Variants in ITPK1 observed in about 807,000 individuals in gnomAD.
The protein encoded by ITPK1 is inositol-tetrakisphosphate 1-kinase.
ITPK1 carries 21 observed loss-of-function variants against 45.3 expected under a neutral mutation model. That is an observed-to-expected ratio of 0.46 (90% CI 0.33 to 0.67). The LOEUF is 0.67. ITPK1 is among the 30% of genes least tolerant of loss of function. The pLI is 0.02. For synonymous variants in ITPK1, 258 were observed against 253.6 expected, an observed-to-expected ratio of 1.02 and a Z score of -0.16; for missense variants, 474 against 573.5, an observed-to-expected ratio of 0.83 and a Z score of 1.77.
At chr14:93,066,306 ATGTG>A (rs530096242) in intron 3 of ITPK1, 31 of 436,058 alleles carry the variant, frequency 7.1e-5, no homozygotes, top group Non-Finnish European at 1.1e-4. Context: ...GTGCGCGTGC[ATGTG>A]TGTGTGTGTA....
chr14:92,946,538 C>T (rs752466622), intron 9 of ITPK1, 45 bp from the exon 10 acceptor site: 40 of 1,582,874 alleles, frequency 2.5e-5, no homozygotes, highest in Non-Finnish European at 3.0e-5. Context: ...CGAGGAGCTG[C>T]GAAGCCACAC....
Position 93,076,735 on chromosome 14 carries a change from G to T in ITPK1, c.96-116C>A. On this transcript the variant is annotated intron_variant, in intron 2 of 10. Coordinates refer to ENST00000267615, the MANE Select transcript of ITPK1 (RefSeq NM_014216.6). The surrounding 1 kb of genome is among the most constrained non-coding windows in gnomAD (Gnocchi z 4.3). Reference sequence around the variant, plus strand: ...CATGAGAGGGTTTCAGGAGGGAGCCGGCAGCTGCGCCTCTCCTGCTACTGT... The same window carrying T: ...CATGAGAGGGTTTCAGGAGGGAGCCTGCAGCTGCGCCTCTCCTGCTACTGT... 1 of 1,218,592 alleles carries T rather than the reference G, an allele frequency of 8.2e-7. No individual in the cohort carries two copies. Among genetic ancestry groups the T allele is most frequent in the Non-Finnish European group, 1.2e-6 (1 of 829,856 alleles). 75.5% of individuals were successfully genotyped at this position (1,218,592 alleles called of 1,614,324 possible). A position where few individuals can be genotyped will look rare whatever the true frequency, so the allele number is the denominator to read the frequency against.
At chr14:93,000,039 G>A (rs1566725903) in intron 4 of ITPK1, among the ~76,000 whole-genome samples, 1 of 152,138 alleles carries the variant, frequency 6.6e-6, no homozygotes, top group Admixed American at 6.5e-5. Context: ...TGCTCACATC[G>A]TGTTTTAAAA....
At position 92,940,572 on chromosome 14, in the gene ITPK1, G is replaced by A. The variant is rs1423173279; in HGVS notation, c.*989C>T. ...AAAAGGAGTGAACCCACTGGGAAGAGGGCCCCGATCTCCATGGTGTCATGC... is the reference window on the plus strand; with the variant it reads ...AAAAGGAGTGAACCCACTGGGAAGAAGGCCCCGATCTCCATGGTGTCATGC... On this transcript the variant is annotated 3_prime_UTR_variant, in exon 11 of 11. Coordinates refer to ENST00000267615, the MANE Select transcript of ITPK1 (RefSeq NM_014216.6). 6 of 1,182,930 alleles carry A rather than the reference G, an allele frequency of 5.1e-6. No individual in the cohort carries two copies. The highest frequency in any genetic ancestry group is 3.7e-5 in the Admixed American group (1 of 27,268). 73.3% of individuals were successfully genotyped at this position (1,182,930 alleles called of 1,614,324 possible). A position where few individuals can be genotyped will look rare whatever the true frequency, so the allele number is the denominator to read the frequency against.
At chr14:93,079,686 G>A (rs539108837) in intron 2 of ITPK1, among the ~76,000 whole-genome samples, 16 of 152,204 alleles carry the variant, frequency 1.1e-4, no homozygotes, top group Non-Finnish European at 2.2e-4. Context: ...ATTTTTCACT[G>A]GGAAACTCGT....
chr14:92,973,515 A>G (rs181855105), intron 5 of ITPK1, among the ~76,000 whole-genome samples: 165 of 152,352 alleles, frequency 1.1e-3, no homozygotes, highest in African/African-American at 3.8e-3. Flanking sequence ...GGACTCATTC[A>G]GGCCCTGGAC....
At chr14:93,073,356 G>A (rs1474902912) in intron 3 of ITPK1, among the ~76,000 whole-genome samples, 1 of 152,170 alleles carries the variant, frequency 6.6e-6, no homozygotes, top group African/African-American at 2.4e-5. Context: ...GGGCTCCCGA[G>A]CTCCTCAGCC....
chr14:93,093,507 C>G (rs374628673), intron 2 of ITPK1, among the ~76,000 whole-genome samples: 9 of 152,214 alleles, frequency 5.9e-5, no homozygotes, highest in East Asian at 3.9e-4. Context: ...TTTCTTCCCC[C>G]CTCAGCCCTG....
At chr14:92,963,090 C>T (rs991074374) in intron 5 of ITPK1, among the ~76,000 whole-genome samples, 2 of 152,150 alleles carry the variant, frequency 1.3e-5, no homozygotes, top group African/African-American at 2.4e-5. Flanking sequence ...GTGTAAAATC[C>T]GAAGAGTACA....
chr14:93,074,628 G>A (rs1005232041), intron 3 of ITPK1, among the ~76,000 whole-genome samples: 2 of 152,208 alleles, frequency 1.3e-5, no homozygotes, highest in African/African-American at 4.8e-5. Context: ...CCAAGTGGCT[G>A]GGCGGAACCA....
Position 92,952,967 on chromosome 14 carries a change from T to G in ITPK1, c.671-954A>C, listed in dbSNP as rs1888030266. Among the ~76,000 whole-genome samples the G allele has an allele frequency of 2.6e-5, 4 of 152,232 alleles. No homozygotes were observed. The South Asian group carries it at 8.3e-4, about 31-fold the overall frequency. On this transcript the variant is annotated intron_variant, in intron 8 of 10. Coordinates refer to ENST00000267615, the MANE Select transcript of ITPK1 (RefSeq NM_014216.6). ...CCCCAAGGCTGGCACGGGACCGTCC[T>G]GGGCCGCCAGCCCCAGCAGCCCCTC...
intron 5 of ITPK1, among the ~76,000 whole-genome samples, chr14:92,977,097 C>T (rs1885980845): frequency 6.6e-6 from 1 of 152,226 alleles, no homozygotes; most frequent in South Asian, 2.1e-4. Flanking sequence ...AGCAGTCCTG[C>T]TCATAGGATT....
intron 3 of ITPK1, among the ~76,000 whole-genome samples, chr14:93,066,987 T>A (rs759997444): frequency 6.6e-6 from 1 of 152,184 alleles, no homozygotes; most frequent in East Asian, 1.9e-4. Context: ...ATCCAGTGTT[T>A]GCATCCGAGT....
At chr14:93,109,873 T>C (rs1227743972) in intron 2 of ITPK1, among the ~76,000 whole-genome samples, 1 of 152,036 alleles carries the variant, frequency 6.6e-6, no homozygotes, top group Non-Finnish European at 1.5e-5. Flanking sequence ...CCAAGAACAC[T>C]AAATCTACAA....
Position 93,016,683 on chromosome 14 carries a change from C to T in ITPK1, c.239G>A (p.Arg80Lys). The T allele has an allele frequency of 1.9e-5, 30 of 1,614,060 alleles. No individual in the cohort carries two copies. The highest frequency in any genetic ancestry group is 2.5e-5 in the Non-Finnish European group (30 of 1,179,978). ...NDSQSLELVH[R>K]FQEYIDAHPE... ...TGCATGGTCCTCACTCACCTGGAAC[C>T]TGTGCACCAGCTCCAGGGACTGGCT... The change falls in exon 4 of 11, where the codon AGG (arginine) becomes AAG (lysine). Residue 80 changes from arginine to lysine, a missense_variant. Physicochemically the swap from Arg to Lys is conservative, Grantham distance 26. Transcript: ENST00000267615. This position sits in a 1 kb window ranked among gnomAD's most constrained non-coding sequence, Gnocchi z 5.0.
Position 93,076,248 on chromosome 14 carries a change from A to G in ITPK1, c.120+347T>C, listed in dbSNP as rs892101963. On this transcript the variant is annotated intron_variant, in intron 3 of 10. Transcript: ENST00000267615. The surrounding 1 kb of genome is among the most constrained non-coding windows in gnomAD (Gnocchi z 4.3). ...CCAAGTCCACCCAGGGTGAGGCTAC[A>G]CAGAGCACAAGACAACTGGACATCT... is the stretch of plus-strand genomic sequence containing the variant. Among the ~76,000 whole-genome samples, 4 of 152,006 alleles carry G rather than the reference A, an allele frequency of 2.6e-5. No individual in the cohort carries two copies. Among genetic ancestry groups the G allele is most frequent in the Non-Finnish European group, 4.4e-5 (3 of 68,000 alleles).
chr14:93,027,406 A>C (rs1595149415), intron 3 of ITPK1, among the ~76,000 whole-genome samples: 1 of 152,180 alleles, frequency 6.6e-6, no homozygotes, highest in Non-Finnish European at 1.5e-5. Context: ...AACTCTACGC[A>C]CTTCACATGA....
In ITPK1 at chr14:93,076,484, TGAA is replaced by T. The variant is rs899620390; in HGVS notation, c.120+108_120+110del. ...AGGGGAGCTAAAAACAAGCTGCACG[TGAA>T]GAAGAGAGAAAGCCGTGCCCAATGC... On this transcript the variant is annotated intron_variant, in intron 3 of 10. Transcript: ENST00000267615. This position sits in a 1 kb window ranked among gnomAD's most constrained non-coding sequence, Gnocchi z 4.3. The T allele has an allele frequency of 8.0e-7, 1 of 1,254,376 alleles. No homozygotes were observed. The highest frequency in any genetic ancestry group is 1.2e-6 in the Non-Finnish European group (1 of 867,026). The allele number at this position is 1,254,376 out of a possible 1,614,324, so 77.7% of individuals were successfully genotyped here. A position where few individuals can be genotyped will look rare whatever the true frequency, so the allele number is the denominator to read the frequency against.
At chr14:92,997,580 C>T (rs79549618) in intron 4 of ITPK1, among the ~76,000 whole-genome samples, 1 of 152,278 alleles carries the variant, frequency 6.6e-6, no homozygotes, top group African/African-American at 2.4e-5. Context: ...CTGAGGGCCT[C>T]GTGTATTTTT....
Sources: allele counts gnomAD v4.1 joint callset (sites outside exome capture counted in the v4.1 genomes callset), GRCh38; gene constraint gnomAD v4.1.1; non-coding constraint Gnocchi (gnomAD v3.1); transcripts MANE v1.5; gene names NCBI Gene and HGNC (gene_info 2026-07-23, HGNC 2026-07-21).